Variants in MED13L observed in about 807,000 individuals in gnomAD.
MED13L encodes mediator complex subunit 13L.
In MED13L, 7 loss-of-function variants were observed where a neutral mutation model predicts 220.9. The ratio of observed to expected loss-of-function variants is 0.03; its 90% CI spans 0.02 to 0.06. The LOEUF (loss-of-function observed/expected upper bound fraction) is 0.06. MED13L is among the 10% of genes least tolerant of loss of function. The pLI is 1.00. For missense variants in MED13L, 1,965 were observed against 2,760.5 expected, an observed-to-expected ratio of 0.71 and a Z score of 6.46; for synonymous variants, 1,011 against 1,015.2, an observed-to-expected ratio of 1.00 and a Z score of 0.08.
At chr12:116,272,843 C>G (rs1471380419) in intron 1 of MED13L, among the ~76,000 whole-genome samples, 2 of 152,146 alleles carry the variant, frequency 1.3e-5, no homozygotes, top group African/African-American at 4.8e-5. Context: ...AAATTGCTGT[C>G]TATTATGTAC....
In MED13L at chr12:116,000,859, C is replaced by T. The variant is rs140223550; in HGVS notation, c.2569+2144G>A. ...TCCAACACAATATCCACTGGCCACA[C>T]GTGGCTACTGAGCACCCAAAATGGG... On this transcript the variant is annotated intron_variant, in intron 14 of 30. Transcript: ENST00000281928. Among the ~76,000 whole-genome samples, 209 of 152,132 alleles carry T rather than the reference C, an allele frequency of 1.4e-3. 2 individuals are homozygous for T. The highest frequency in any genetic ancestry group is 1.8e-3 in the Non-Finnish European group (125 of 68,014).
chr12:116,097,290 C>A (rs1238138588), intron 3 of MED13L, among the ~76,000 whole-genome samples: 1 of 151,968 alleles, frequency 6.6e-6, no homozygotes, highest in Non-Finnish European at 1.5e-5. Context: ...GGATTATGGG[C>A]GTGCACCACC....
chr12:116,186,043 C>T (rs1880880365), intron 2 of MED13L, among the ~76,000 whole-genome samples: 1 of 152,176 alleles, frequency 6.6e-6, no homozygotes, highest in African/African-American at 2.4e-5. Flanking sequence ...TTCCCTTCTC[C>T]TGAAACAAAT....
At chr12:115,968,793 A>T (rs1318084165) in intron 28 of MED13L, 147 bp downstream of exon 28, 2 of 932,024 alleles carry the variant, frequency 2.1e-6, no homozygotes, top group Middle Eastern at 2.5e-4. Context: ...ATGGAACCAT[A>T]GTCAGTTTCC....
chr12:115,967,181 A>AG (rs1009715367), intron 28 of MED13L, among the ~76,000 whole-genome samples: 2 of 151,344 alleles, frequency 1.3e-5, no homozygotes, highest in African/African-American at 4.9e-5. Context: ...AAAAAAAAAA[A>AG]AAAAAAAAAA....
chr12:116,276,248 A>C (rs1052882108), intron 1 of MED13L, among the ~76,000 whole-genome samples: 18 of 152,030 alleles, frequency 1.2e-4, no homozygotes, highest in Admixed American at 2.6e-4. Flanking sequence ...AGAAAGAGAG[A>C]GCGCGAGAGA....
At chr12:116,155,193 G>A (rs1407645591) in intron 2 of MED13L, among the ~76,000 whole-genome samples, 1 of 152,168 alleles carries the variant, frequency 6.6e-6, no homozygotes, top group African/African-American at 2.4e-5. Context: ...GGAGGCCAAG[G>A]CGGGAGGATT....
chr12:116,020,663 C>CCTTA (rs1395266201), intron 5 of MED13L, among the ~76,000 whole-genome samples: 2 of 152,280 alleles, frequency 1.3e-5, no homozygotes, highest in Non-Finnish European at 2.9e-5. Flanking sequence ...GACCCAAAGT[C>CCTTA]CTCTATCTTC....
chr12:116,130,049 T>C (rs1009622391), intron 2 of MED13L, among the ~76,000 whole-genome samples: 1 of 152,198 alleles, frequency 6.6e-6, no homozygotes, highest in African/African-American at 2.4e-5. Context: ...TCTCAGAGGC[T>C]CTATAACAGA....
At chr12:116,167,799 T>C (rs1368333015) in intron 2 of MED13L, among the ~76,000 whole-genome samples, 1 of 152,194 alleles carries the variant, frequency 6.6e-6, no homozygotes, top group Non-Finnish European at 1.5e-5. Context: ...ACATTTCCTT[T>C]TGACATGTAT....
chr12:116,046,513 A>G (rs1383660095), intron 4 of MED13L, among the ~76,000 whole-genome samples: 7 of 152,216 alleles, frequency 4.6e-5, no homozygotes, highest in Non-Finnish European at 1.0e-4. Flanking sequence ...CATATATGAG[A>G]ACATTTTAAC....
chr12:116,092,266 A>G (rs1441624344), intron 4 of MED13L, among the ~76,000 whole-genome samples: 1 of 152,208 alleles, frequency 6.6e-6, no homozygotes, highest in East Asian at 1.9e-4. Flanking sequence ...TCACACTTGA[A>G]GTGTCTGCTC....
At chr12:116,008,231 C>A (rs1207314877) in intron 10 of MED13L, 170 bp downstream of exon 10, 2 of 927,650 alleles carry the variant, frequency 2.2e-6, no homozygotes. Flanking sequence ...TGTGTGCTAA[C>A]CTATAAGTAG....
chr12:116,196,986 T>C (rs1018573191), intron 2 of MED13L, among the ~76,000 whole-genome samples: 3 of 152,210 alleles, frequency 2.0e-5, no homozygotes, highest in African/African-American at 7.2e-5. Context: ...CAAAGATATA[T>C]AGTAGTTTGA....
intron 8 of MED13L, 72 bp from the exon 9 acceptor site, chr12:116,012,973 G>C (rs1879506735): frequency 9.2e-7 from 1 of 1,087,224 alleles, no homozygotes; most frequent in Admixed American, 1.8e-5. Flanking sequence ...ATGTTCAAGA[G>C]TTGAATACAT....
At chr12:116,137,279 T>C (rs1876639976) in intron 2 of MED13L, among the ~76,000 whole-genome samples, 1 of 152,168 alleles carries the variant, frequency 6.6e-6, no homozygotes, top group Non-Finnish European at 1.5e-5. Flanking sequence ...AGGACAACAA[T>C]GGCAGTAGCT....
At chr12:116,131,940 G>A (rs750015104) in intron 2 of MED13L, among the ~76,000 whole-genome samples, 4 of 151,740 alleles carry the variant, frequency 2.6e-5, no homozygotes, top group South Asian at 2.1e-4. Flanking sequence ...CCGAGATCAC[G>A]CCACTGCACT....
chr12:116,159,156 T>G (rs1046724603), intron 2 of MED13L, among the ~76,000 whole-genome samples: 1 of 152,212 alleles, frequency 6.6e-6, no homozygotes, highest in African/African-American at 2.4e-5. Context: ...ATCGACAGTA[T>G]TCTATTTATT....
intron 3 of MED13L, among the ~76,000 whole-genome samples, chr12:116,096,988 AAATT>A: frequency 6.6e-6 from 1 of 152,334 alleles, no homozygotes; most frequent in Middle Eastern, 3.4e-3. Flanking sequence ...TAAGCAAAAT[AAATT>A]GATTGATGTA....
Sources: allele counts gnomAD v4.1 joint callset (sites outside exome capture counted in the v4.1 genomes callset), GRCh38; gene constraint gnomAD v4.1.1; transcripts MANE v1.5; gene names NCBI Gene and HGNC (gene_info 2026-07-23, HGNC 2026-07-21).